The following RETREG1 variants were observed in gnomAD, a reference collection of about 807,000 sequenced individuals.
RETREG1 encodes family with sequence similarity 134 member B.
In RETREG1, 44 loss-of-function variants were observed where a neutral mutation model predicts 54.8. That is an observed-to-expected ratio of 0.80 (90% CI 0.63 to 1.03). The LOEUF is 1.03. RETREG1 is among the 50% of genes least tolerant of loss of function. The pLI is 0.00. For missense variants in RETREG1, 554 were observed against 605.1 expected, an observed-to-expected ratio of 0.92 and a Z score of 0.89; for synonymous variants, 217 against 238.5, an observed-to-expected ratio of 0.91 and a Z score of 0.83.
chr5:16,474,501 CAGT>C lies in RETREG1; in HGVS notation c.*237_*239del, dbSNP rs1738433564. The C allele has an allele frequency of 1.9e-6, 1 of 521,492 alleles. No individual in the cohort carries two copies. Among genetic ancestry groups the C allele is most frequent in the Non-Finnish European group, 3.4e-6 (1 of 298,088 alleles). The allele number at this position is 521,492 out of a possible 1,614,324, so 32.3% of individuals were successfully genotyped here. On this transcript the variant is annotated 3_prime_UTR_variant, in exon 9 of 9. Coordinates refer to ENST00000306320, the MANE Select transcript of RETREG1 (RefSeq NM_001034850.3). The stretch of plus-strand genomic sequence containing the variant: ...CCCCTAATATTTATCTCTGACAACA[CAGT>C]GGTGTGTATAAAGTTCATTTCCATG...
chr5:16,584,151 G>A (rs920389562), intron 1 of RETREG1, among the ~76,000 whole-genome samples: 1 of 152,102 alleles, frequency 6.6e-6, no homozygotes, highest in African/African-American at 2.4e-5. Flanking sequence ...AAGGGTGGAG[G>A]GGGGTGAGGG....
chr5:16,553,226 A>T (rs769137744), intron 3 of RETREG1, among the ~76,000 whole-genome samples: 9 of 152,220 alleles, frequency 5.9e-5, no homozygotes, highest in Non-Finnish European at 1.2e-4. Context: ...CAGATAAATA[A>T]GTTGTGATAT....
intron 3 of RETREG1, among the ~76,000 whole-genome samples, chr5:16,511,402 G>A (rs1315666320): frequency 6.6e-6 from 1 of 152,110 alleles, no homozygotes; most frequent in Non-Finnish European, 1.5e-5. Context: ...GTTTAAGGTA[G>A]GCTAGATTAC....
intron 3 of RETREG1, among the ~76,000 whole-genome samples, chr5:16,522,856 G>C (rs1050372170): frequency 2.0e-5 from 3 of 151,924 alleles, no homozygotes. Flanking sequence ...ATTTTAAAAA[G>C]TTAGCTGAGC....
chr5:16,547,263 G>C (rs1484844582), intron 3 of RETREG1, among the ~76,000 whole-genome samples: 1 of 152,158 alleles, frequency 6.6e-6, no homozygotes, highest in African/African-American at 2.4e-5. Flanking sequence ...CACAACCAAA[G>C]TGTTTCATAC....
rs1740367886 is a variant in RETREG1, at chr5:16,516,749, T to C, written c.459-33277A>G. 2.0e-5 allele frequency among the ~76,000 whole-genome samples: 3 copies of C among 151,968 alleles called. No homozygotes were observed. The South Asian group carries it at 6.2e-4, about 32-fold the overall frequency. The stretch of plus-strand genomic sequence containing the variant: ...AAAGTTAAACATGTACCTCTAAATG[T>C]TTTTTCACAAGACATATAACAAAAA... On this transcript the variant is annotated intron_variant, in intron 3 of 8. Coordinates refer to ENST00000306320, the MANE Select transcript of RETREG1 (RefSeq NM_001034850.3).
chr5:16,521,735 G>A (rs1368893559), intron 3 of RETREG1, among the ~76,000 whole-genome samples: 1 of 152,122 alleles, frequency 6.6e-6, no homozygotes. Flanking sequence ...TTTAACTATG[G>A]GTTCTGTTAC....
chr5:16,492,232 C>CACAT (rs1739280128), intron 3 of RETREG1, among the ~76,000 whole-genome samples: 1 of 148,396 alleles, frequency 6.7e-6, no homozygotes, highest in Non-Finnish European at 1.5e-5. Flanking sequence ...CTCTCTCTCA[C>CACAT]ACACACACAC....
intron 3 of RETREG1, among the ~76,000 whole-genome samples, chr5:16,562,054 C>G (rs1741869378): frequency 6.6e-6 from 1 of 152,190 alleles, no homozygotes; most frequent in Non-Finnish European, 1.5e-5. Flanking sequence ...GTGGCTCATG[C>G]CTGTAATCCC....
At chr5:16,537,672 T>G (rs1741114971) in intron 3 of RETREG1, among the ~76,000 whole-genome samples, 1 of 152,146 alleles carries the variant, frequency 6.6e-6, no homozygotes, top group Non-Finnish European at 1.5e-5. Flanking sequence ...CACTCCAGCC[T>G]GGGGACAGAG....
chr5:16,593,613 C>T lies in RETREG1; in HGVS notation c.321-21511G>A, dbSNP rs1336095138. 6.6e-6 allele frequency among the ~76,000 whole-genome samples: 1 copy of T among 151,942 alleles called. No homozygotes were observed. The highest frequency in any genetic ancestry group is 1.5e-5 in the Non-Finnish European group (1 of 67,996). The stretch of plus-strand genomic sequence containing the variant: ...ATGGGGAACATTAAAATGTCTATAC[C>T]ATTTTTATTAAAGACCCTTTGGGAA... On this transcript the variant is annotated intron_variant, in intron 1 of 8. Transcript: ENST00000306320. The surrounding 1 kb of genome is among the most constrained non-coding windows in gnomAD (Gnocchi z 4.9).
At chr5:16,583,387 G>A (rs1454110168) in intron 1 of RETREG1, among the ~76,000 whole-genome samples, 2 of 151,888 alleles carry the variant, frequency 1.3e-5, no homozygotes, top group Non-Finnish European at 2.9e-5. Context: ...CAGATACTAA[G>A]GAGGCAGAGG....
intron 3 of RETREG1, among the ~76,000 whole-genome samples, chr5:16,528,349 A>T (rs1000614346): frequency 1.3e-5 from 2 of 152,210 alleles, no homozygotes; most frequent in African/African-American, 4.8e-5. Flanking sequence ...AGTAAAAAAA[A>T]TATGACTCTT....
At chr5:16,479,690 AAAAG>A (rs1738687763) in intron 5 of RETREG1, among the ~76,000 whole-genome samples, 1 of 152,120 alleles carries the variant, frequency 6.6e-6, no homozygotes, top group African/African-American at 2.4e-5. Flanking sequence ...TAAGAATACA[AAAAG>A]AAGCAAAGAT....
At position 16,578,712 on chromosome 5, in the gene RETREG1, C is replaced by T. The variant is rs542127065; in HGVS notation, c.321-6610G>A. ...AACATTTCTTGCAGCATTCAATTTCCGGCAGCATCCTATTATTACTGGGGG... is the reference window on the plus strand; with the variant it reads ...AACATTTCTTGCAGCATTCAATTTCTGGCAGCATCCTATTATTACTGGGGG... On this transcript the variant is annotated intron_variant, in intron 1 of 8. Coordinates refer to ENST00000306320, the MANE Select transcript of RETREG1 (RefSeq NM_001034850.3). Among the ~76,000 whole-genome samples the T allele has an allele frequency of 9.9e-5, 15 of 152,284 alleles. No homozygotes were observed. The South Asian group carries it at 3.1e-3, about 32-fold the overall frequency.
intron 3 of RETREG1, among the ~76,000 whole-genome samples, chr5:16,540,361 A>G (rs978434407): frequency 5.6e-4 from 85 of 152,242 alleles, no homozygotes; most frequent in African/African-American, 2.1e-3. Flanking sequence ...TGATAAAGCA[A>G]TGAGTGGGCT....
chr5:16,518,231 ATATAT>A (rs1405593653), intron 3 of RETREG1, among the ~76,000 whole-genome samples: 2 of 148,030 alleles, frequency 1.4e-5, no homozygotes, highest in Non-Finnish European at 3.0e-5. Context: ...CTATATATTT[ATATAT>A]TATATAAGTA....
At chr5:16,581,288 C>T (rs1742468466) in intron 1 of RETREG1, among the ~76,000 whole-genome samples, 1 of 152,060 alleles carries the variant, frequency 6.6e-6, no homozygotes, top group Non-Finnish European at 1.5e-5. Context: ...GCTCCACTGC[C>T]CCATCACACT....
In RETREG1 at chr5:16,597,805, A is replaced by G. The variant is rs1470583261; in HGVS notation, c.320+18847T>C. On this transcript the variant is annotated intron_variant, in intron 1 of 8. Coordinates refer to ENST00000306320, the MANE Select transcript of RETREG1 (RefSeq NM_001034850.3). The surrounding 1 kb of genome is among the most constrained non-coding windows in gnomAD (Gnocchi z 4.3). The stretch of plus-strand genomic sequence containing the variant: ...CAGGGGTTGTTTGTAATGGCCCGTC[A>G]GTTCTCCAGGCCTGAAAGAGGTCCC... Among the ~76,000 whole-genome samples the G allele has an allele frequency of 6.6e-6, 1 of 152,136 alleles. No homozygotes were observed. The highest frequency in any genetic ancestry group is 1.5e-5 in the Non-Finnish European group (1 of 68,030).
Sources: gnomAD v4.1 joint callset for allele counts (sites outside exome capture counted in the v4.1 genomes callset) on GRCh38, gnomAD v4.1.1 for gene constraint, Gnocchi (gnomAD v3.1) non-coding constraint, MANE v1.5 for transcripts, NCBI Gene and HGNC (gene_info 2026-07-23, HGNC 2026-07-21) for gene names.